The following DRC2 variants were observed in gnomAD, a reference collection of about 807,000 sequenced individuals.
DRC2 encodes coiled-coil domain containing 65.
chr12:48,915,565 C>A, the DRC2 span, among the ~76,000 whole-genome samples: 1 of 151,952 alleles, frequency 6.6e-6, no homozygotes, highest in Non-Finnish European at 1.5e-5. Flanking sequence ...CCCACCTTTC[C>A]CCCCTTTCTA....
chr12:48,909,720 G>T, the DRC2 span, among the ~76,000 whole-genome samples: 1 of 151,004 alleles, frequency 6.6e-6, no homozygotes, highest in Non-Finnish European at 1.5e-5. Flanking sequence ...CAAGTGATCT[G>T]CCCACTTCGG....
the DRC2 span, chr12:48,904,847 C>A: frequency 9.5e-7 from 1 of 1,050,672 alleles, no homozygotes; most frequent in South Asian, 1.8e-5. Context: ...CCGTTCCCAT[C>A]GAAAAGGGGT....
the DRC2 span, among the ~76,000 whole-genome samples, chr12:48,913,523 C>T: frequency 5.3e-5 from 8 of 152,000 alleles, no homozygotes; most frequent in Non-Finnish European, 1.0e-4. Flanking sequence ...GACCGAGTCT[C>T]GCACTGTCAC....
the DRC2 span, chr12:48,904,565 C>G: frequency 5.4e-6 from 8 of 1,468,904 alleles, no homozygotes; most frequent in Non-Finnish European, 7.3e-6. Context: ...ACCTCCCCTC[C>G]TCCGGAAATC....
the DRC2 span, among the ~76,000 whole-genome samples, chr12:48,919,706 CAG>C: frequency 6.6e-6 from 1 of 151,870 alleles, no homozygotes; most frequent in Non-Finnish European, 1.5e-5. Context: ...TTAGTGGAGA[CAG>C]GGTTTCACCA....
the DRC2 span, among the ~76,000 whole-genome samples, chr12:48,909,461 T>C: frequency 1.3e-5 from 2 of 152,114 alleles, no homozygotes; most frequent in South Asian, 2.1e-4. Flanking sequence ...TGGCAAACTT[T>C]CTTATTATTT....
the DRC2 span, among the ~76,000 whole-genome samples, chr12:48,919,283 G>A: frequency 6.6e-6 from 1 of 150,666 alleles, no homozygotes; most frequent in Non-Finnish European, 1.5e-5. Flanking sequence ...CTGGAGTGCA[G>A]TGGCACCATC....
the DRC2 span, among the ~76,000 whole-genome samples, chr12:48,913,020 C>T: frequency 6.6e-6 from 1 of 151,140 alleles, no homozygotes; most frequent in African/African-American, 2.4e-5. Flanking sequence ...ATCTGTAGTC[C>T]CAGCTACTTG....
chr12:48,918,977 A>G, the DRC2 span: 1 of 1,228,186 alleles, frequency 8.1e-7, no homozygotes, highest in Non-Finnish European at 1.2e-6. Flanking sequence ...GGATTTGGAA[A>G]GGATAGCGGG....
chr12:48,917,240 T>A, the DRC2 span: 1 of 998,480 alleles, frequency 1.0e-6, no homozygotes, highest in Non-Finnish European at 1.5e-6. Flanking sequence ...CACTTGAGAC[T>A]GGGAGTTCAA....
the DRC2 span, among the ~76,000 whole-genome samples, chr12:48,907,841 T>C: frequency 2.0e-5 from 3 of 152,208 alleles, no homozygotes; most frequent in Non-Finnish European, 4.4e-5. Flanking sequence ...GAGTTTATCT[T>C]CCTCTCTCCA....
At chr12:48,909,812 A>G in the DRC2 span, among the ~76,000 whole-genome samples, 1 of 133,660 alleles carries the variant, frequency 7.5e-6, no homozygotes, top group African/African-American at 2.9e-5. Flanking sequence ...ACGGAGTCTC[A>G]CTCTGTTGCC....
the DRC2 span, chr12:48,904,195 G>T: frequency 9.2e-7 from 1 of 1,092,318 alleles, no homozygotes; most frequent in Non-Finnish European, 1.3e-6. Flanking sequence ...CCTGTTCGAG[G>T]GCTGAGATCT....
chr12:48,919,787 AT>A, the DRC2 span, among the ~76,000 whole-genome samples: 8 of 151,390 alleles, frequency 5.3e-5, no homozygotes, highest in Middle Eastern at 3.4e-3. Context: ...AAGTGCTGGG[AT>A]TACAGGCGTG....
chr12:48,915,020 G>A, the DRC2 span, among the ~76,000 whole-genome samples: 2 of 150,534 alleles, frequency 1.3e-5, no homozygotes, highest in African/African-American at 4.9e-5. Context: ...CACCACACCT[G>A]GCTATGTTAT....
At chr12:48,921,010 A>C in the DRC2 span, 4 of 1,613,946 alleles carry the variant, frequency 2.5e-6, no homozygotes, top group Non-Finnish European at 3.4e-6. Flanking sequence ...TTTATTCATC[A>C]GTATTGACTC....
the DRC2 span, chr12:48,921,545 G>C: frequency 6.7e-7 from 1 of 1,487,256 alleles, no homozygotes; most frequent in Admixed American, 2.4e-5. Context: ...GAAATGTAGG[G>C]ATGTTGCTAT....
chr12:48,914,398 G>A, the DRC2 span: 1 of 1,596,656 alleles, frequency 6.3e-7, no homozygotes, highest in South Asian at 1.1e-5. Context: ...TCTCTTTCTG[G>A]CCTAGTCTTT....
the DRC2 span, among the ~76,000 whole-genome samples, chr12:48,907,771 C>T: frequency 2.0e-5 from 3 of 152,158 alleles, no homozygotes; most frequent in Non-Finnish European, 4.4e-5. Flanking sequence ...TCTCCTTTGG[C>T]TTGCATGACA....
Sources: gnomAD v4.1 joint callset for allele counts (sites outside exome capture counted in the v4.1 genomes callset) on GRCh38, gnomAD v4.1.1 for gene constraint, MANE v1.5 for transcripts, NCBI Gene and HGNC (gene_info 2026-07-23, HGNC 2026-07-21) for gene names.